PRR16: variants seen among roughly 807,000 people sequenced by gnomAD.
PRR16 encodes protein Largen.
PRR16 carries 6 observed loss-of-function variants against 18.2 expected under a neutral mutation model. That is an observed-to-expected ratio of 0.33 (90% CI 0.18 to 0.65). PRR16 has a LOEUF of 0.65. Ranked by LOEUF, PRR16 falls within the 30% of genes least tolerant of loss-of-function variation. PRR16 has a pLI of 0.74. For missense variants in PRR16, 412 were observed against 376.6 expected, an observed-to-expected ratio of 1.09 and a Z score of -0.78; for synonymous variants, 151 against 147.8, an observed-to-expected ratio of 1.02 and a Z score of -0.16.
chr5:120,779,459 A>G, the PRR16 span, among the ~76,000 whole-genome samples: 2 of 152,130 alleles, frequency 1.3e-5, no homozygotes, highest in African/African-American at 2.4e-5. Flanking sequence ...TCTGAACACC[A>G]TTAGTTAGGA....
intron 1 of PRR16, among the ~76,000 whole-genome samples, chr5:120,586,844 GA>G (rs1399355715): frequency 6.6e-6 from 1 of 152,144 alleles, no homozygotes; most frequent in East Asian, 1.9e-4. Context: ...TCCTTTCAGT[GA>G]AAAGCTGGAA....
At chr5:120,550,833 T>C (rs1385952708) in intron 1 of PRR16, among the ~76,000 whole-genome samples, 2 of 152,016 alleles carry the variant, frequency 1.3e-5, no homozygotes, top group African/African-American at 4.8e-5. Context: ...GGCAGATGCC[T>C]GATTATTTCA....
the PRR16 span, among the ~76,000 whole-genome samples, chr5:120,791,624 C>T: frequency 6.7e-3 from 563 of 84,622 alleles, 1 homozygote; most frequent in African/African-American, 0.013. Context: ...TCTATCTATC[C>T]ATCCATCTAT....
intron 1 of PRR16, among the ~76,000 whole-genome samples, chr5:120,603,307 G>A (rs1561569028): frequency 6.6e-6 from 1 of 152,044 alleles, no homozygotes; most frequent in African/African-American, 2.4e-5. Flanking sequence ...TATGTTTATA[G>A]AAATTTATCC....
intron 1 of PRR16, among the ~76,000 whole-genome samples, chr5:120,542,403 C>T (rs959577057): frequency 1.3e-5 from 2 of 152,028 alleles, no homozygotes; most frequent in Non-Finnish European, 2.9e-5. Flanking sequence ...TACCTATATA[C>T]TCTTCACCCT....
At chr5:120,614,884 T>C (rs1252473574) in intron 1 of PRR16, among the ~76,000 whole-genome samples, 2 of 152,206 alleles carry the variant, frequency 1.3e-5, no homozygotes, top group African/African-American at 2.4e-5. Flanking sequence ...GCACCAGCTA[T>C]AGCAGCTTGC....
rs559982826 is a variant in PRR16 at position 120,521,428 on chromosome 5, A to G, written c.159+56783A>G. Among the ~76,000 whole-genome samples the G allele has an allele frequency of 5.3e-5, 8 of 152,216 alleles. No individual in the cohort carries two copies. In the East Asian group the frequency reaches 9.7e-4, roughly 18 times the overall value. On this transcript the variant is annotated intron_variant, in intron 1 of 1. Coordinates refer to ENST00000407149, the MANE Select transcript of PRR16 (RefSeq NM_001300783.2). ...TGGGATATGTGTACTTTGTTTCCATATGACCTGTATATGTATAAGATTAGA... is the reference window on the plus strand; with the variant it reads ...TGGGATATGTGTACTTTGTTTCCATGTGACCTGTATATGTATAAGATTAGA...
At chr5:120,718,541 A>AT in the PRR16 span, among the ~76,000 whole-genome samples, 981 of 152,120 alleles carry the variant, frequency 6.4e-3, 19 homozygotes, top group African/African-American at 0.022. Flanking sequence ...CTTATTAAAT[A>AT]TTTTTCAGAA....
chr5:120,627,733 G>A (rs1413701130), intron 1 of PRR16, among the ~76,000 whole-genome samples: 1 of 152,046 alleles, frequency 6.6e-6, no homozygotes, highest in East Asian at 1.9e-4. Context: ...GTGTAATTAG[G>A]CTCTGATGGA....
chr5:120,609,796 G>C (rs1372119169), intron 1 of PRR16, among the ~76,000 whole-genome samples: 6 of 152,060 alleles, frequency 3.9e-5, no homozygotes, highest in Non-Finnish European at 8.8e-5. Flanking sequence ...CCATTTCTCT[G>C]GACTGTTTCT....
the PRR16 span, among the ~76,000 whole-genome samples, chr5:120,706,953 G>C: frequency 6.6e-6 from 1 of 152,060 alleles, no homozygotes; most frequent in Admixed American, 6.6e-5. Context: ...TGGGATATAG[G>C]GACATTATAC....
intron 1 of PRR16, among the ~76,000 whole-genome samples, chr5:120,617,835 G>C (rs938787209): frequency 6.6e-6 from 1 of 152,016 alleles, no homozygotes; most frequent in Non-Finnish European, 1.5e-5. Flanking sequence ...CCATAAGAAC[G>C]ATCATTACCT....
chr5:120,515,415 A>C (rs1314568819), intron 1 of PRR16, among the ~76,000 whole-genome samples: 1 of 152,190 alleles, frequency 6.6e-6, no homozygotes, highest in Non-Finnish European at 1.5e-5. Context: ...TCCTATTTTC[A>C]ACACAAGTCC....
intron 1 of PRR16, among the ~76,000 whole-genome samples, chr5:120,493,087 C>T (rs531417326): frequency 1.3e-5 from 2 of 152,138 alleles, no homozygotes; most frequent in Non-Finnish European, 2.9e-5. Context: ...AGCAGAGTTG[C>T]TGGGTTGAAT....
At chr5:120,599,447 G>T (rs1385106638) in intron 1 of PRR16, among the ~76,000 whole-genome samples, 1 of 151,572 alleles carries the variant, frequency 6.6e-6, no homozygotes, top group African/African-American at 2.4e-5. Flanking sequence ...CTTCTTTAAG[G>T]AGACAGAAAA....
At chr5:120,563,766 C>G (rs1752649544) in intron 1 of PRR16, among the ~76,000 whole-genome samples, 1 of 152,138 alleles carries the variant, frequency 6.6e-6, no homozygotes, top group African/African-American at 2.4e-5. Context: ...ATTTATCTGT[C>G]TATCTGGTGT....
chr5:120,768,982 T>C, the PRR16 span, among the ~76,000 whole-genome samples: 11 of 151,686 alleles, frequency 7.3e-5, no homozygotes, highest in Non-Finnish European at 1.3e-4. Context: ...TACCAAAATT[T>C]ATATATGCAA....
At chr5:120,611,061 T>C (rs913008274) in intron 1 of PRR16, among the ~76,000 whole-genome samples, 2 of 152,200 alleles carry the variant, frequency 1.3e-5, no homozygotes, top group African/African-American at 4.8e-5. Flanking sequence ...GTGGCTCTTG[T>C]TACGTGTTAG....
At chr5:120,615,391 T>TC in intron 1 of PRR16, among the ~76,000 whole-genome samples, 1 of 150,450 alleles carries the variant, frequency 6.6e-6, no homozygotes, top group East Asian at 1.9e-4. Context: ...TTTCTTTTTT[T>TC]TTTTTTTTTT....
Sources: gnomAD v4.1 joint callset for allele counts (sites outside exome capture counted in the v4.1 genomes callset) on GRCh38, gnomAD v4.1.1 for gene constraint, MANE v1.5 for transcripts, NCBI Gene and HGNC (gene_info 2026-07-23, HGNC 2026-07-21) for gene names.